STK38: variants seen among roughly 807,000 people sequenced by gnomAD.
The protein encoded by STK38 is serine/threonine kinase 38.
Under a neutral mutation model 59.0 loss-of-function variants are expected in STK38, and 26 were observed. That is an observed-to-expected ratio of 0.44 (90% confidence interval 0.32 to 0.61). The LOEUF is 0.61. STK38 is among the 20% of genes least tolerant of loss of function. The pLI, the probability that STK38 is intolerant of heterozygous loss-of-function variation, is 0.04. For missense variants in STK38, 433 were observed against 566.0 expected (o/e 0.76, Z 2.38); for synonymous variants, 175 against 176.6 (o/e 0.99, Z 0.07).
At chr6:36,522,754 G>C (rs1777409193) in intron 4 of STK38, among the ~76,000 whole-genome samples, 1 of 147,732 alleles carries the variant, frequency 6.8e-6, no homozygotes, top group Non-Finnish European at 1.5e-5. Context: ...TATTCGGGAG[G>C]CTAAGGCAGT....
Position 36,521,726 on chromosome 6 carries a change from T to C in STK38, c.390+8A>G. ...TAAGCTAAAAGCACTGCTACAACTGTGCTTTACCTGCTCTTTTTCAAGCAT... is the reference window on the plus strand; with the variant it reads ...TAAGCTAAAAGCACTGCTACAACTGCGCTTTACCTGCTCTTTTTCAAGCAT... On this transcript the variant is annotated splice_region_variant and intron_variant, in intron 5 of 13. Transcript: ENST00000229812. 1.2e-6 allele frequency: 2 copies of C among 1,605,374 alleles called. No homozygotes were observed. Among genetic ancestry groups the C allele is most frequent in the Non-Finnish European group, 1.7e-6 (2 of 1,177,164 alleles).
Position 36,525,659 on chromosome 6 carries a change from CA to C in STK38, c.132-18del. On this transcript the variant is annotated intron_variant, in intron 2 of 13. Transcript: ENST00000229812. The stretch of plus-strand genomic sequence containing the variant: ...TTCTTTTGTCTAAAACAAACAAAAA[CA>C]AAAGACATGAAATCACATCTGAATG... The C allele has an allele frequency of 6.2e-7, 1 of 1,606,762 alleles. No homozygotes were observed. The highest frequency in any genetic ancestry group is 1.3e-5 in the African/African-American group (1 of 74,856).
rs115791797 is a variant in STK38, at chr6:36,519,789, A to G, written c.390+1945T>C. Among the ~76,000 whole-genome samples the G allele has an allele frequency of 5.8e-3, 879 of 152,284 alleles. 8 individuals carry two copies. The highest frequency in any genetic ancestry group is 0.02 in the African/African-American group (832 of 41,554). ...TAAAAGCCAGTTTTTTGTCCCATCA[A>G]TAACTGTATACTGGCATCACAACTG... On this transcript the variant is annotated intron_variant, in intron 5 of 13. Coordinates refer to ENST00000229812, the MANE Select transcript of STK38 (RefSeq NM_007271.4).
chr6:36,535,273 ACC>A (rs1777762197), intron 2 of STK38, among the ~76,000 whole-genome samples: 1 of 152,006 alleles, frequency 6.6e-6, no homozygotes, highest in Non-Finnish European at 1.5e-5. Flanking sequence ...ACATGGTGAA[ACC>A]CCGTCTCTAT....
At position 36,531,021 on chromosome 6, in the gene STK38, T is replaced by A. The variant is rs556373269; in HGVS notation, c.132-5379A>T. Among the ~76,000 whole-genome samples, 251 of 152,302 alleles carry A rather than the reference T, an allele frequency of 1.6e-3. 1 individual carries two copies. The highest frequency in any genetic ancestry group is 5.8e-3 in the African/African-American group (239 of 41,564). ...ACCCTAAAATTAACACTACACAGAT[T>A]CTTTAAAATCTCAACAAATTACTTC... On this transcript the variant is annotated intron_variant, in intron 2 of 13. Coordinates refer to ENST00000229812, the MANE Select transcript of STK38 (RefSeq NM_007271.4).
chr6:36,497,684 C>G, intron 12 of STK38, 96 bp downstream of exon 12: 2 of 944,896 alleles, frequency 2.1e-6, no homozygotes, highest in South Asian at 2.9e-5. Context: ...AAGCTCTCTT[C>G]CCTTACTTGG....
At chr6:36,506,492 A>G in intron 9 of STK38, 91 bp downstream of exon 9, 1 of 1,369,546 alleles carries the variant, frequency 7.3e-7, no homozygotes, top group South Asian at 1.2e-5. Flanking sequence ...GATATGTTGC[A>G]AATATTTGTC....
In STK38 at chr6:36,537,076, A is replaced by T. The variant is rs138505188; in HGVS notation, c.131+2996T>A. ...AAACAAAGAACTCCTGCAACTCAAT[A>T]ATAAAGACAACTCCATTTTTTTAAA... is the stretch of plus-strand genomic sequence containing the variant. On this transcript the variant is annotated intron_variant, in intron 2 of 13. Coordinates refer to ENST00000229812, the MANE Select transcript of STK38 (RefSeq NM_007271.4). 2.8e-3 allele frequency among the ~76,000 whole-genome samples: 427 copies of T among 152,262 alleles called. 1 individual carries two copies. The highest frequency in any genetic ancestry group is 6.6e-3 in the South Asian group (32 of 4,826).
At chr6:36,539,466 T>C (rs569732977) in intron 2 of STK38, among the ~76,000 whole-genome samples, 1 of 152,162 alleles carries the variant, frequency 6.6e-6, no homozygotes, top group East Asian at 1.9e-4. Context: ...CAATAGCTGA[T>C]ACTACCACCA....
rs761709396 is a variant in STK38 at position 36,517,787 on chromosome 6, C to A, written c.444G>T (p.Trp148Cys). 2 of 1,614,124 alleles carry A rather than the reference C, an allele frequency of 1.2e-6. No individual in the cohort carries two copies. Among genetic ancestry groups the A allele is most frequent in the Non-Finnish European group, 1.7e-6 (2 of 1,179,990 alleles). ...RDILVEADSLWVVKMFYSFQD... is the reference protein window; with the variant it reads ...RDILVEADSLCVVKMFYSFQD... ...GAAAACTATAGAACATTTTCACAAC[C>A]CACAAACTGTCTGCCTCCACTAGAA... The change falls in exon 6 of 14, where the codon TGG becomes TGT. Residue 148 changes from tryptophan to cysteine, a missense_variant. Around this residue, in one of 3 missense-constraint regions of STK38, gnomAD observed 293 missense variants for 388.2 expected, o/e 0.75. Coordinates refer to ENST00000229812, the MANE Select transcript of STK38 (RefSeq NM_007271.4).
At chr6:36,515,555 C>CACACA (rs1777230501) in intron 6 of STK38, 63 bp from the exon 7 acceptor site, 4 of 1,515,524 alleles carry the variant, frequency 2.6e-6, no homozygotes, top group African/African-American at 1.5e-5. Flanking sequence ...CACACACACA[C>CACACA]AACATACGAG....
chr6:36,512,165 C>T (rs1445894608), intron 7 of STK38, among the ~76,000 whole-genome samples: 1 of 152,176 alleles, frequency 6.6e-6, no homozygotes, highest in Non-Finnish European at 1.5e-5. Flanking sequence ...AATTCTATAG[C>T]TATTCTGAAT....
intron 9 of STK38, among the ~76,000 whole-genome samples, chr6:36,503,104 C>T (rs183768199): frequency 6.6e-6 from 1 of 152,278 alleles, no homozygotes; most frequent in Admixed American, 6.5e-5. Flanking sequence ...TTCTCCAGGG[C>T]CTATGACTAG....
intron 7 of STK38, among the ~76,000 whole-genome samples, chr6:36,510,392 C>T (rs546191508): frequency 6.6e-6 from 1 of 152,340 alleles, no homozygotes; most frequent in South Asian, 2.1e-4. Flanking sequence ...TTGGAGTGGA[C>T]ACCAGGAGCA....
intron 1 of STK38, among the ~76,000 whole-genome samples, chr6:36,545,254 C>A (rs1233555326): frequency 1.5e-5 from 2 of 132,032 alleles, no homozygotes; most frequent in Non-Finnish European, 3.1e-5. Context: ...GATCACACCA[C>A]TGCACTCTAG....
chr6:36,534,206 A>G (rs1777733933), intron 2 of STK38, among the ~76,000 whole-genome samples: 1 of 152,230 alleles, frequency 6.6e-6, no homozygotes, highest in Non-Finnish European at 1.5e-5. Flanking sequence ...GAGAAAAACA[A>G]TATGACCATT....
rs1467685745 is a variant in STK38 at position 36,494,740 on chromosome 6, TGAG to T, written c.*1041_*1043del. 2.0e-5 allele frequency: 3 copies of T among 152,794 alleles called. No homozygotes were observed. Among genetic ancestry groups the T allele is most frequent in the Middle Eastern group, 3.4e-3 (1 of 294 alleles). The allele number at this position is 152,794 out of a possible 1,614,324, so 9.5% of individuals were successfully genotyped here. On this transcript the variant is annotated 3_prime_UTR_variant, in exon 14 of 14. Transcript: ENST00000229812. Reference sequence around the variant, plus strand: ...GACAAAACATGGCTGTGCCAAGGACTGAGGAGTGAGCTTTACAAGGACTTGTCA... The same window carrying T: ...GACAAAACATGGCTGTGCCAAGGACTGAGTGAGCTTTACAAGGACTTGTCA...
At position 36,525,606 on chromosome 6, in the gene STK38, G is replaced by T; in HGVS notation, c.168C>A (p.Gly56=). The change falls in exon 3 of 14, where the codon GGC becomes GGA. Residue 56 remains glycine, a synonymous_variant. Coordinates refer to ENST00000229812, the MANE Select transcript of STK38 (RefSeq NM_007271.4). The stretch of plus-strand genomic sequence containing the variant: ...TATTAATTACCTCCTCATCTTTTAG[G>T]CCTTCTTCTTCCATCACCTTTTCTA... ...KKLEKVMEEE[G]LKDEEKRLRR... The T allele has an allele frequency of 6.2e-7, 1 of 1,613,660 alleles. No individual in the cohort carries two copies. The highest frequency in any genetic ancestry group is 8.5e-7 in the Non-Finnish European group (1 of 1,179,712).
At chr6:36,527,321 CATATATAT>C (rs763209313) in intron 2 of STK38, among the ~76,000 whole-genome samples, 293 of 89,620 alleles carry the variant, frequency 3.3e-3, no homozygotes, top group African/African-American at 0.013. Flanking sequence ...TATATACACA[CATATATAT>C]ACACACACAT....
Sources: allele counts gnomAD v4.1 joint callset (sites outside exome capture counted in the v4.1 genomes callset), GRCh38; gene constraint gnomAD v4.1.1; regional missense constraint gnomAD v4.1.1; transcripts MANE v1.5; gene names NCBI Gene and HGNC (gene_info 2026-07-23, HGNC 2026-07-21).